The following ALK variants were observed in gnomAD, a reference collection of about 807,000 sequenced individuals.
ALK encodes ALK tyrosine kinase receptor.
ALK carries 74 observed loss-of-function variants against 163.1 expected under a neutral mutation model. That is an observed-to-expected ratio of 0.45 (90% CI 0.38 to 0.55). The LOEUF (loss-of-function observed/expected upper bound fraction) is 0.55, where lower values mean the gene tolerates loss of function less well. ALK is among the 20% of genes least tolerant of loss of function. ALK has a pLI of 0.00. For synonymous variants in ALK, 960 were observed against 843.2 expected (o/e 1.14, Z -2.40); for missense variants, 2,063 against 2,105.3 (o/e 0.98, Z 0.39).
chr2:29,831,324 TG>T lies in ALK; in HGVS notation c.667+88668del, dbSNP rs1314775694. Among the ~76,000 whole-genome samples, 85 of 115,482 alleles carry T rather than the reference TG, an allele frequency of 7.4e-4. 2 individuals carry two copies. The highest frequency in any genetic ancestry group is 2.5e-3 in the African/African-American group (83 of 33,006). 75.8% of individuals were successfully genotyped at this position (115,482 alleles called of 152,430 possible). A position where few individuals can be genotyped will look rare whatever the true frequency, so the allele number is the denominator to read the frequency against. On this transcript the variant is annotated intron_variant, in intron 1 of 28. Coordinates refer to ENST00000389048, the MANE Select transcript of ALK (RefSeq NM_004304.5). ...GAAGAAGAAGAAGAAGAAGAAGAAATGTAGAGTTCCAGGACTTATCTCTGAC... is the reference window on the plus strand; with the variant it reads ...GAAGAAGAAGAAGAAGAAGAAGAAATTAGAGTTCCAGGACTTATCTCTGAC...
Position 29,296,806 on chromosome 2 carries a change from C to A in ALK, c.1817+82G>T, listed in dbSNP as rs1666195659. The A allele has an allele frequency of 2.5e-6, 4 of 1,583,762 alleles. No individual in the cohort carries two copies. The South Asian group carries it at 3.4e-5, about 13-fold the overall frequency. ...CTGCATGTGTGTCTTGGGTAAAAGG[C>A]ACGGGGAAAGGGAAGGCATGATTTC... On this transcript the variant is annotated intron_variant, in intron 9 of 28. Transcript: ENST00000389048.
chr2:29,756,529 A>T (rs1315803244), intron 1 of ALK, among the ~76,000 whole-genome samples: 1 of 138,772 alleles, frequency 7.2e-6, no homozygotes. Context: ...TTACTCATTG[A>T]TTTTTTTTTT....
At chr2:29,284,912 T>C (rs1047711796) in intron 9 of ALK, among the ~76,000 whole-genome samples, 5 of 152,206 alleles carry the variant, frequency 3.3e-5, no homozygotes, top group African/African-American at 9.6e-5. Context: ...GCTCAGAAAA[T>C]GCACAATCTC....
chr2:29,764,624 G>A (rs1680805918), intron 1 of ALK, among the ~76,000 whole-genome samples: 1 of 152,148 alleles, frequency 6.6e-6, no homozygotes, highest in African/African-American at 2.4e-5. Flanking sequence ...TTCTGTCACT[G>A]GCTTAATATA....
intron 19 of ALK, among the ~76,000 whole-genome samples, 153 bp downstream of exon 19, chr2:29,225,308 T>C (rs1317423538): frequency 6.6e-6 from 1 of 152,152 alleles, no homozygotes; most frequent in South Asian, 2.1e-4. Context: ...AGCTTCCGTT[T>C]TGGCTTGGCC....
chr2:29,875,479 A>G (rs1421937699), intron 1 of ALK, among the ~76,000 whole-genome samples: 2 of 152,162 alleles, frequency 1.3e-5, no homozygotes, highest in South Asian at 2.1e-4. Flanking sequence ...GGTTTGTTAT[A>G]TAGGTATACC....
In ALK at chr2:29,505,305, G is replaced by T. The variant is rs565267500; in HGVS notation, c.1154+26610C>A. On this transcript the variant is annotated intron_variant, in intron 4 of 28. Coordinates refer to ENST00000389048, the MANE Select transcript of ALK (RefSeq NM_004304.5). ...GGGGAAGGGGGTCCAGGGACCTGCT[G>T]CTGTGTAGACTGTTGGGTCATCAAT... 5.9e-5 allele frequency among the ~76,000 whole-genome samples: 9 copies of T among 152,302 alleles called. No homozygotes were observed. The South Asian group carries it at 1.9e-3, about 32-fold the overall frequency.
intron 11 of ALK, among the ~76,000 whole-genome samples, chr2:29,255,094 G>A (rs1664918746): frequency 6.6e-6 from 1 of 152,162 alleles, no homozygotes; most frequent in African/African-American, 2.4e-5. Flanking sequence ...AGGCATGGTG[G>A]TCCTCGCTGC....
intron 3 of ALK, among the ~76,000 whole-genome samples, chr2:29,562,911 T>C (rs1415913212): frequency 2.0e-5 from 3 of 152,210 alleles, no homozygotes; most frequent in Non-Finnish European, 4.4e-5. Context: ...GTACCTTCTA[T>C]TTGGGGAAAT....
At chr2:29,825,992 A>G (rs1018274128) in intron 1 of ALK, among the ~76,000 whole-genome samples, 1 of 152,004 alleles carries the variant, frequency 6.6e-6, no homozygotes, top group East Asian at 1.9e-4. Context: ...GTAACCCATG[A>G]CATGGTCTTG....
In ALK at chr2:29,275,494, AACCTGTAC is replaced by A; in HGVS notation, c.1818-6_1819del. On this transcript the variant is annotated splice_acceptor_variant and splice_polypyrimidine_tract_variant and coding_sequence_variant and intron_variant, in exon 10 of 29. Transcript: ENST00000389048. LOFTEE classifies it high-confidence loss of function. ...CCACCATGCGACCATCTGCAGCCAG[AACCTGTAC>A]ACATCAAGAGGAATGTGTGTGAGGA... The A allele has an allele frequency of 6.2e-7, 1 of 1,614,058 alleles. No homozygotes were observed. Among genetic ancestry groups the A allele is most frequent in the Non-Finnish European group, 8.5e-7 (1 of 1,179,962 alleles).
intron 7 of ALK, among the ~76,000 whole-genome samples, chr2:29,318,634 T>C (rs1487348843): frequency 1.3e-5 from 2 of 151,860 alleles, no homozygotes; most frequent in Non-Finnish European, 2.9e-5. Context: ...TGGCGCGATC[T>C]TGGCTCACTG....
rs368572534 is a variant in ALK, at chr2:29,228,868, C to T, written c.2815+16G>A. The T allele has an allele frequency of 2.1e-5, 32 of 1,555,132 alleles. No individual in the cohort carries two copies. Among genetic ancestry groups the T allele is most frequent in the Admixed American group, 6.7e-5 (4 of 59,896 alleles). ...AGCAGGGAGGGAGTGACACCTTGAACACGAATCATCTTTACCTATATATCC... is the reference window on the plus strand; with the variant it reads ...AGCAGGGAGGGAGTGACACCTTGAATACGAATCATCTTTACCTATATATCC... On this transcript the variant is annotated intron_variant, in intron 16 of 28. Coordinates refer to ENST00000389048, the MANE Select transcript of ALK (RefSeq NM_004304.5).
intron 3 of ALK, among the ~76,000 whole-genome samples, chr2:29,688,873 G>C (rs907371092): frequency 6.6e-6 from 1 of 152,180 alleles, no homozygotes; most frequent in Non-Finnish European, 1.5e-5. Flanking sequence ...CCATTAACGA[G>C]ATGAACTTCA....
At chr2:29,723,700 C>A (rs911051168) in intron 1 of ALK, among the ~76,000 whole-genome samples, 4 of 152,190 alleles carry the variant, frequency 2.6e-5, no homozygotes, top group Non-Finnish European at 4.4e-5. Flanking sequence ...TCTAAAAATT[C>A]TCAGGGTTTT....
At chr2:29,390,708 T>C (rs1187471448) in intron 4 of ALK, among the ~76,000 whole-genome samples, 2 of 152,202 alleles carry the variant, frequency 1.3e-5, no homozygotes, top group Non-Finnish European at 2.9e-5. Context: ...TTCAGCACAA[T>C]TTTTTACTGT....
At chr2:29,861,874 C>T (rs1364904189) in intron 1 of ALK, among the ~76,000 whole-genome samples, 1 of 152,088 alleles carries the variant, frequency 6.6e-6, no homozygotes, top group Non-Finnish European at 1.5e-5. Flanking sequence ...ATGCAAAAAT[C>T]CTCAACAAAA....
intron 1 of ALK, among the ~76,000 whole-genome samples, chr2:29,722,504 T>A (rs1472923089): frequency 6.6e-6 from 1 of 152,212 alleles, no homozygotes; most frequent in East Asian, 1.9e-4. Flanking sequence ...AACCATACAG[T>A]GAATTTCTCC....
chr2:29,847,167 C>T (rs1047716911), intron 1 of ALK, among the ~76,000 whole-genome samples: 3 of 152,182 alleles, frequency 2.0e-5, no homozygotes, highest in African/African-American at 7.2e-5. Context: ...CCCTTCCCTC[C>T]ACGATACCTC....
Sources: gnomAD v4.1 joint callset for allele counts (sites outside exome capture counted in the v4.1 genomes callset) on GRCh38, gnomAD v4.1.1 for gene constraint, MANE v1.5 for transcripts, NCBI Gene and HGNC (gene_info 2026-07-23, HGNC 2026-07-21) for gene names.